RNF24: variants seen among roughly 807,000 people sequenced by gnomAD.
RNF24 encodes ring finger protein 24.
Under a neutral mutation model 20.0 loss-of-function variants are expected in RNF24, and 14 were observed. The observed-to-expected ratio is 0.70, with a 90% CI of 0.46 to 1.10. RNF24 has a LOEUF of 1.10. RNF24 is among the 50% of genes least tolerant of loss of function. The pLI is 0.00. For missense variants in RNF24, 124 were observed against 177.6 expected (o/e 0.70, Z 1.71); for synonymous variants, 45 against 61.1 (o/e 0.74, Z 1.23).
At chr20:3,974,290 A>G in intron 1 of RNF24, 1 of 1,544,244 alleles carries the variant, frequency 6.5e-7, no homozygotes, top group East Asian at 2.5e-5. Flanking sequence ...CAAAAACTGT[A>G]CAGCTAATAT....
intron 1 of RNF24, among the ~76,000 whole-genome samples, chr20:3,999,766 AAAAC>A (rs760009715): frequency 5.3e-5 from 8 of 152,206 alleles, no homozygotes; most frequent in South Asian, 2.1e-4. Flanking sequence ...AAAACAAAAC[AAAAC>A]AAACAAACAA....
intron 4 of RNF24, among the ~76,000 whole-genome samples, chr20:3,944,762 C>T (rs192490993): frequency 2.0e-3 from 298 of 152,256 alleles, no homozygotes; most frequent in African/African-American, 6.4e-3. Flanking sequence ...TCCCCTGTTC[C>T]GTATGTCTTA....
rs1038058605 is a variant in RNF24 at position 3,956,628 on chromosome 20, T to C, written c.143+7247A>G. On this transcript the variant is annotated intron_variant, in intron 2 of 5. Coordinates refer to ENST00000358395, the MANE Select transcript of RNF24 (RefSeq NM_001134337.3). ...GATATCGTGCTTAGCTTTTTTACTT[T>C]CTTCCTTTTATTTTTTCTTGGGTTT... 5.3e-5 allele frequency among the ~76,000 whole-genome samples: 8 copies of C among 152,094 alleles called. No individual in the cohort carries two copies. The East Asian group carries it at 1.5e-3, about 29-fold the overall frequency.
chr20:3,932,665 C>A lies in RNF24; in HGVS notation c.*1398G>T. The A allele has an allele frequency of 2.7e-6, 1 of 363,734 alleles. No homozygotes were observed. The highest frequency in any genetic ancestry group is 4.9e-6 in the Non-Finnish European group (1 of 204,704). 22.5% of individuals were successfully genotyped at this position (363,734 alleles called of 1,614,324 possible). A position where few individuals can be genotyped will look rare whatever the true frequency, so the allele number is the denominator to read the frequency against. On this transcript the variant is annotated 3_prime_UTR_variant, in exon 6 of 6. Transcript: ENST00000358395. ...TGTATTCCTAATGAAAAACTTCCCC[C>A]ACTCACACCTGTGGGATGGAGTGGA... is the stretch of plus-strand genomic sequence containing the variant.
chr20:4,006,081 A>C (rs1981845131), intron 1 of RNF24, among the ~76,000 whole-genome samples: 6 of 152,156 alleles, frequency 3.9e-5, no homozygotes, highest in Admixed American at 3.9e-4. Context: ...CCTTCTATAG[A>C]ATCTATGGTT....
chr20:4,006,403 C>T (rs1442040973), intron 1 of RNF24, among the ~76,000 whole-genome samples: 1 of 151,020 alleles, frequency 6.6e-6, no homozygotes, highest in Admixed American at 6.6e-5. Context: ...TACACAGGAG[C>T]AAGCTTTACA....
chr20:4,003,952 CTT>C (rs1981635954), intron 1 of RNF24, among the ~76,000 whole-genome samples: 1 of 151,982 alleles, frequency 6.6e-6, no homozygotes, highest in South Asian at 2.1e-4. Flanking sequence ...GCCAGAAACT[CTT>C]ATAATATAGC....
At chr20:3,951,441 T>C (rs1403251605) in intron 2 of RNF24, among the ~76,000 whole-genome samples, 1 of 152,210 alleles carries the variant, frequency 6.6e-6, no homozygotes, top group Non-Finnish European at 1.5e-5. Context: ...ATTATACATA[T>C]ACTCTATTAT....
In RNF24 at chr20:3,971,666, T is replaced by C. The variant is rs551046785; in HGVS notation, c.-7-7642A>G. Reference sequence around the variant, plus strand: ...AAAGTATACTAGTAGACTGCATATATAATACAATGCCTACAGCAATCAGTA... The same window carrying C: ...AAAGTATACTAGTAGACTGCATATACAATACAATGCCTACAGCAATCAGTA... On this transcript the variant is annotated intron_variant, in intron 1 of 5. Coordinates refer to ENST00000358395, the MANE Select transcript of RNF24 (RefSeq NM_001134337.3). Among the ~76,000 whole-genome samples, 3 of 152,234 alleles carry C rather than the reference T, an allele frequency of 2.0e-5. No homozygotes were observed. In the South Asian group the frequency reaches 6.2e-4, roughly 32 times the overall value.
chr20:4,002,952 G>C (rs1336707603), intron 1 of RNF24, among the ~76,000 whole-genome samples: 1 of 151,982 alleles, frequency 6.6e-6, no homozygotes, highest in East Asian at 1.9e-4. Context: ...TGAACTGAAT[G>C]CTTTGAATTT....
At chr20:3,959,815 AG>A (rs1460510179) in intron 2 of RNF24, among the ~76,000 whole-genome samples, 1 of 152,216 alleles carries the variant, frequency 6.6e-6, no homozygotes, top group Admixed American at 6.5e-5. Flanking sequence ...ACTTCCTACT[AG>A]GGAACCGTTC....
rs564661843 is a variant in RNF24, at chr20:3,953,840, T to A, written c.144-5561A>T. On this transcript the variant is annotated intron_variant, in intron 2 of 5. Transcript: ENST00000358395. ...GGCACAATCTTGGCTCACTGCAACC[T>A]CCACCTCCCGGGTTCAGGTGATTCT... is the stretch of plus-strand genomic sequence containing the variant. 8.5e-4 allele frequency among the ~76,000 whole-genome samples: 126 copies of A among 148,788 alleles called. 1 individual carries two copies. The South Asian group carries it at 0.027, about 32-fold the overall frequency.
intron 1 of RNF24, among the ~76,000 whole-genome samples, chr20:3,994,810 G>C (rs1980731840): frequency 6.6e-6 from 1 of 152,148 alleles, no homozygotes; most frequent in South Asian, 2.1e-4. Flanking sequence ...AAAGGTATTA[G>C]AATTCCTACA....
chr20:4,011,274 A>G (rs1216753030), intron 1 of RNF24, among the ~76,000 whole-genome samples: 1 of 152,234 alleles, frequency 6.6e-6, no homozygotes, highest in Non-Finnish European at 1.5e-5. Flanking sequence ...ACTACCATTC[A>G]AGAGTGAAGG....
chr20:3,973,385 A>G (rs2147008444), intron 1 of RNF24, among the ~76,000 whole-genome samples: 1 of 151,974 alleles, frequency 6.6e-6, no homozygotes, highest in East Asian at 1.9e-4. Context: ...AAATTAAAGA[A>G]CAGAAACCAG....
intron 1 of RNF24, among the ~76,000 whole-genome samples, chr20:3,983,956 A>C (rs1055016724): frequency 6.6e-6 from 1 of 151,324 alleles, no homozygotes; most frequent in East Asian, 1.9e-4. Flanking sequence ...AAAAAAAAAA[A>C]AAAAAAAAAC....
chr20:3,981,975 G>A (rs1459924241), intron 1 of RNF24, among the ~76,000 whole-genome samples: 1 of 151,936 alleles, frequency 6.6e-6, no homozygotes, highest in African/African-American at 2.4e-5. Context: ...AAAATTAGCT[G>A]GGTATGGTGG....
At chr20:3,955,574 ATTTG>A (rs1447900803) in intron 2 of RNF24, among the ~76,000 whole-genome samples, 2 of 151,914 alleles carry the variant, frequency 1.3e-5, no homozygotes, top group African/African-American at 4.8e-5. Flanking sequence ...GAGTCCTTCT[ATTTG>A]TTTTTCTTTT....
At chr20:3,945,566 T>C (rs1003426203) in intron 3 of RNF24, among the ~76,000 whole-genome samples, 3 of 151,998 alleles carry the variant, frequency 2.0e-5, no homozygotes, top group Non-Finnish European at 4.4e-5. Flanking sequence ...AATACAAAAA[T>C]TAGCTGGATG....
Sources: gnomAD v4.1 joint callset for allele counts (sites outside exome capture counted in the v4.1 genomes callset) on GRCh38, gnomAD v4.1.1 for gene constraint, MANE v1.5 for transcripts, NCBI Gene and HGNC (gene_info 2026-07-23, HGNC 2026-07-21) for gene names.